CES5A: variants seen among roughly 807,000 people sequenced by gnomAD.
CES5A encodes carboxylesterase 5.
CES5A carries 67 observed loss-of-function variants against 62.9 expected under a neutral mutation model. The ratio of observed to expected loss-of-function variants is 1.07; its 90% confidence interval spans 0.88 to 1.31. The LOEUF (loss-of-function observed/expected upper bound fraction) is 1.31. Among genes scored for constraint, CES5A ranks in the 50% most tolerant of loss-of-function variants. CES5A has a pLI of 0.00. For synonymous variants in CES5A, 296 were observed against 280.8 expected, an observed-to-expected ratio of 1.05 and a Z score of -0.54; for missense variants, 748 against 708.5, an observed-to-expected ratio of 1.06 and a Z score of -0.63.
chr16:55,848,982 C>G (rs1450750712), intron 11 of CES5A, among the ~76,000 whole-genome samples: 3 of 152,174 alleles, frequency 2.0e-5, no homozygotes, highest in African/African-American at 7.2e-5. Flanking sequence ...GTTCTGTCCT[C>G]TTTGTCAAGA....
At chr16:55,951,193 A>G (rs1363235733) in intron 1 of CES5A, among the ~76,000 whole-genome samples, 2 of 151,954 alleles carry the variant, frequency 1.3e-5, no homozygotes, top group Non-Finnish European at 2.9e-5. Flanking sequence ...CTTCCAACGA[A>G]CAAAACAGAT....
chr16:55,922,885 G>A (rs1406087410), intron 1 of CES5A, among the ~76,000 whole-genome samples: 2 of 151,484 alleles, frequency 1.3e-5, no homozygotes, highest in African/African-American at 4.8e-5. Flanking sequence ...ATAACAACAA[G>A]AACATTGGAA....
chr16:55,911,403 C>T (rs7342767), intron 1 of CES5A, among the ~76,000 whole-genome samples: 4,703 of 152,216 alleles, frequency 0.031, 146 homozygotes, highest in East Asian at 0.11. Context: ...CAAGAAGAAA[C>T]GATCGTGGTG....
intron 1 of CES5A, among the ~76,000 whole-genome samples, chr16:55,916,016 A>T (rs2034144960): frequency 6.6e-6 from 1 of 152,206 alleles, no homozygotes; most frequent in African/African-American, 2.4e-5. Context: ...GCCACACCAT[A>T]TGGCAGACAG....
At chr16:55,936,657 G>A (rs575062916) in intron 2 of CES5A, among the ~76,000 whole-genome samples, 2 of 152,290 alleles carry the variant, frequency 1.3e-5, no homozygotes, top group African/African-American at 4.8e-5. Context: ...CAGATCAGAG[G>A]ATTAGCTAAT....
chr16:55,849,896 ACTTCCC>A (rs1183307800), intron 10 of CES5A, 123 bp from the exon 11 acceptor site: 1 of 991,028 alleles, frequency 1.0e-6, no homozygotes, highest in African/African-American at 1.6e-5. Flanking sequence ...GAGACAGCTC[ACTTCCC>A]CCTTCCTCAT....
At chr16:55,912,808 G>C (rs372526038) in intron 1 of CES5A, among the ~76,000 whole-genome samples, 1 of 152,162 alleles carries the variant, frequency 6.6e-6, no homozygotes, top group African/African-American at 2.4e-5. Flanking sequence ...CCATTTCACC[G>C]TTGAGAAAAC....
chr16:55,903,281 C>T (rs1264131416), intron 1 of CES5A, among the ~76,000 whole-genome samples: 5 of 152,116 alleles, frequency 3.3e-5, no homozygotes, highest in Non-Finnish European at 7.3e-5. Flanking sequence ...GGGGCAGGAG[C>T]CATAACTGCC....
chr16:55,929,067 C>A (rs1303384738), upstream of CES5A, among the ~76,000 whole-genome samples: 2 of 152,180 alleles, frequency 1.3e-5, no homozygotes, highest in Non-Finnish European at 2.9e-5. Flanking sequence ...GTCCACAGAC[C>A]CAGAAGGTCT....
intron 4 of CES5A, among the ~76,000 whole-genome samples, chr16:55,867,389 A>T (rs1398137751): frequency 6.6e-6 from 1 of 152,204 alleles, no homozygotes; most frequent in Non-Finnish European, 1.5e-5. Flanking sequence ...AAATGAAACA[A>T]GTGGAAATGC....
chr16:55,929,424 C>T (rs1413573940), upstream of CES5A, among the ~76,000 whole-genome samples: 4 of 152,176 alleles, frequency 2.6e-5, no homozygotes, highest in Admixed American at 1.3e-4. Flanking sequence ...CCCCTCCTGT[C>T]GCATTCAGAC....
intron 1 of CES5A, among the ~76,000 whole-genome samples, chr16:55,882,788 A>C (rs1225459628): frequency 6.6e-6 from 1 of 152,164 alleles, no homozygotes; most frequent in Non-Finnish European, 1.5e-5. Context: ...CCTTCACTGA[A>C]ATGTCCCTTC....
chr16:55,866,658 TAAAA>T lies in CES5A; in HGVS notation c.552-546_552-543del, dbSNP rs369679801. Among the ~76,000 whole-genome samples, 204 of 82,838 alleles carry T rather than the reference TAAAA, an allele frequency of 2.5e-3. 2 individuals carry two copies. Among genetic ancestry groups the T allele is most frequent in the African/African-American group, 8.4e-3 (194 of 23,046 alleles). 54.3% of individuals were successfully genotyped at this position (82,838 alleles called of 152,430 possible). ...TAATATAGTGAAACTCTGTCTCTGC[TAAAA>T]AAAAAAAAAAAAAAAATACAAAAAA... is the stretch of plus-strand genomic sequence containing the variant. On this transcript the variant is annotated intron_variant, in intron 4 of 12. Transcript: ENST00000290567.
intron 1 of CES5A, among the ~76,000 whole-genome samples, chr16:55,915,196 C>T (rs950662672): frequency 2.0e-4 from 31 of 152,118 alleles, no homozygotes; most frequent in African/African-American, 7.5e-4. Flanking sequence ...CTCCTCATTG[C>T]CATTCACACT....
chr16:55,934,157 CT>C (rs2142471861), intron 2 of CES5A, among the ~76,000 whole-genome samples: 1 of 152,288 alleles, frequency 6.6e-6, no homozygotes, highest in Non-Finnish European at 1.5e-5. Context: ...GTTTAATCCC[CT>C]TTACTCTATC....
chr16:55,871,675 A>G lies in CES5A; in HGVS notation c.367T>C (p.Tyr123His). The change falls in exon 3 of 13, where the codon TAC becomes CAC. Residue 123 changes from tyrosine to histidine, a missense_variant. Coordinates refer to ENST00000290567, the MANE Select transcript of CES5A (RefSeq NM_001143685.2). ...TGGGCAGGCGCATAGATGTTCAGGT[A>G]GAGGCAGTCTTCTGACACTCCGAAT... is the stretch of plus-strand genomic sequence containing the variant. ...PKFGVSEDCL[Y>H]LNIYAPAHAD... 6.2e-7 allele frequency: 1 copy of G among 1,614,176 alleles called. No homozygotes were observed. Among genetic ancestry groups the G allele is most frequent in the Non-Finnish European group, 8.5e-7 (1 of 1,180,024 alleles).
Position 55,949,783 on chromosome 16 carries a change from A to G in CES5A, c.160+2T>C. The G allele has an allele frequency of 7.0e-7, 1 of 1,429,420 alleles. No individual in the cohort carries two copies. The allele number at this position is 1,429,420 out of a possible 1,614,324, so 88.5% of individuals were successfully genotyped here. ...CTGGTAAATTCTTGTCAAACAACTC[A>G]CCCTCATCTTTGGAAGTGTAGTTTA... On this transcript the variant is annotated splice_donor_variant, in intron 2 of 13. Transcript: ENST00000521992. LOFTEE classifies it high-confidence loss of function.
intron 1 of CES5A, among the ~76,000 whole-genome samples, chr16:55,914,914 T>C (rs1401418228): frequency 6.6e-6 from 1 of 152,176 alleles, no homozygotes; most frequent in Non-Finnish European, 1.5e-5. Flanking sequence ...ATGTTAACAT[T>C]AGGGAAAGCT....
chr16:55,887,009 T>C lies in CES5A; in HGVS notation c.-255-12972A>G, dbSNP rs923330245. ...CATAATAGAACAATGGAAGGTCTAT[T>C]AGGAGATGTGCTAAGGAATGAACTT... On this transcript the variant is annotated intron_variant, in intron 1 of 12. Transcript: ENST00000518005. Among the ~76,000 whole-genome samples the C allele has an allele frequency of 2.6e-5, 4 of 152,202 alleles. No individual in the cohort carries two copies. The East Asian group carries it at 7.7e-4, about 29-fold the overall frequency.
Sources: gnomAD v4.1 joint callset for allele counts (sites outside exome capture counted in the v4.1 genomes callset) on GRCh38, gnomAD v4.1.1 for gene constraint, MANE v1.5 for transcripts, NCBI Gene and HGNC (gene_info 2026-07-23, HGNC 2026-07-21) for gene names.